SLC38A4: variants seen among roughly 807,000 people sequenced by gnomAD.
SLC38A4 encodes the protein sodium-coupled neutral amino acid transporter 4.
A neutral mutation model predicts 63.1 loss-of-function variants in SLC38A4; 20 were observed. That is an observed-to-expected ratio of 0.32 (90% CI 0.22 to 0.46). SLC38A4 has a LOEUF of 0.46. Ranked by LOEUF, SLC38A4 falls within the 20% of genes least tolerant of loss-of-function variation. SLC38A4 has a pLI of 1.00. For synonymous variants in SLC38A4, 230 were observed against 225.5 expected, an observed-to-expected ratio of 1.02 and a Z score of -0.18; for missense variants, 526 against 663.6, an observed-to-expected ratio of 0.79 and a Z score of 2.28.
intron 12 of SLC38A4, 104 bp downstream of exon 12, chr12:46,778,185 T>A (rs773412389): frequency 4.5e-6 from 5 of 1,119,744 alleles, no homozygotes; most frequent in Non-Finnish European, 6.6e-6. Flanking sequence ...GTACATATTT[T>A]CTCTGAAGAG....
chr12:46,771,439 C>T (rs1382466333), intron 14 of SLC38A4, among the ~76,000 whole-genome samples: 1 of 152,082 alleles, frequency 6.6e-6, no homozygotes, highest in Admixed American at 6.6e-5. Context: ...GAGTTAGAGG[C>T]AGTCCTATAT....
chr12:46,794,293 C>T (rs1938955458), intron 2 of SLC38A4, among the ~76,000 whole-genome samples: 1 of 152,078 alleles, frequency 6.6e-6, no homozygotes, highest in African/African-American at 2.4e-5. Context: ...CCTCAAATTA[C>T]AAAACATATA....
At chr12:46,805,674 A>C (rs1939217143) in intron 1 of SLC38A4, among the ~76,000 whole-genome samples, 1 of 152,082 alleles carries the variant, frequency 6.6e-6, no homozygotes, top group Non-Finnish European at 1.5e-5. Flanking sequence ...TGCAACATTC[A>C]GTTAGGCTCA....
In SLC38A4 at chr12:46,792,061, A is replaced by T. The variant is rs536200820; in HGVS notation, c.119+892T>A. Among the ~76,000 whole-genome samples, 24 of 152,200 alleles carry T rather than the reference A, an allele frequency of 1.6e-4. No individual in the cohort carries two copies. In the South Asian group the frequency reaches 4.6e-3, roughly 29 times the overall value. ...TCTTATGGCTATTGGAGAGGTGCAG[A>T]AGGGCTTTATCTAAGGATGGAAATT... On this transcript the variant is annotated intron_variant, in intron 3 of 16. Transcript: ENST00000266579.
chr12:46,798,487 G>A (rs943969527), intron 2 of SLC38A4, among the ~76,000 whole-genome samples: 2 of 152,162 alleles, frequency 1.3e-5, no homozygotes, highest in Non-Finnish European at 2.9e-5. Flanking sequence ...GGCCATAGCA[G>A]TGTCTTTCAT....
chr12:46,809,209 G>A (rs983135699), intron 1 of SLC38A4, among the ~76,000 whole-genome samples: 2 of 151,966 alleles, frequency 1.3e-5, no homozygotes, highest in Non-Finnish European at 2.9e-5. Flanking sequence ...CTCCTAAATG[G>A]TGATAATGCT....
At chr12:46,813,147 A>G (rs1939373209) in intron 1 of SLC38A4, among the ~76,000 whole-genome samples, 2 of 151,946 alleles carry the variant, frequency 1.3e-5, no homozygotes, top group Admixed American at 1.3e-4. Flanking sequence ...ATAAGCCTTA[A>G]GATAACCTGG....
Position 46,825,353 on chromosome 12 carries a change from G to A in SLC38A4, c.-305+550C>T, listed in dbSNP as rs1230651753. Among the ~76,000 whole-genome samples the A allele has an allele frequency of 2.7e-5, 4 of 145,542 alleles. No homozygotes were observed. In the East Asian group the frequency reaches 8.2e-4, roughly 30 times the overall value. On this transcript the variant is annotated intron_variant, in intron 1 of 16. Coordinates refer to ENST00000266579, the MANE Select transcript of SLC38A4 (RefSeq NM_018018.5). ...TATTCCTTACAGATGCCTCTGTACA[G>A]AAAGAATAATGAAATATAGCATAGT...
chr12:46,776,796 C>T lies in SLC38A4; in HGVS notation c.1174+108G>A, dbSNP rs1001352144. The stretch of plus-strand genomic sequence containing the variant: ...AGTATATTAATTGAATATGTGTCAT[C>T]TATAGAGCATGCTTATAGAAGGCAA... On this transcript the variant is annotated intron_variant, in intron 13 of 16. Coordinates refer to ENST00000266579, the MANE Select transcript of SLC38A4 (RefSeq NM_018018.5). The T allele has an allele frequency of 2.0e-5, 17 of 864,694 alleles. No individual in the cohort carries two copies. The South Asian group carries it at 2.4e-4, about 12-fold the overall frequency. The allele number at this position is 864,694 out of a possible 1,614,324, so 53.6% of individuals were successfully genotyped here. A position where few individuals can be genotyped will look rare whatever the true frequency, so the allele number is the denominator to read the frequency against.
At chr12:46,816,586 G>A (rs371351221) in intron 1 of SLC38A4, among the ~76,000 whole-genome samples, 16 of 151,704 alleles carry the variant, frequency 1.1e-4, no homozygotes, top group South Asian at 4.2e-4. Flanking sequence ...GCCTTCTTTC[G>A]GCCTCAATCA....
At chr12:46,811,032 T>C (rs1185434547) in intron 1 of SLC38A4, among the ~76,000 whole-genome samples, 1 of 152,072 alleles carries the variant, frequency 6.6e-6, no homozygotes, top group Admixed American at 6.6e-5. Flanking sequence ...AAAATATTGT[T>C]GAGAAAAATG....
At chr12:46,792,889 C>T (rs1938919528) in intron 3 of SLC38A4, 64 bp downstream of exon 3, 1 of 1,192,994 alleles carries the variant, frequency 8.4e-7, no homozygotes, top group Non-Finnish European at 1.2e-6. Context: ...CATCAAGACC[C>T]TGTTTTCCAT....
rs1592186878 is a variant in SLC38A4, at chr12:46,795,540, T to C, written c.-112-2357A>G. The stretch of plus-strand genomic sequence containing the variant: ...CAACCTCTGAGTCTTGCTCAGCTGC[T>C]AGTTTCTTGAACGGCATTCTATCTT... On this transcript the variant is annotated intron_variant, in intron 2 of 16. Coordinates refer to ENST00000266579, the MANE Select transcript of SLC38A4 (RefSeq NM_018018.5). Among the ~76,000 whole-genome samples, 4 of 152,254 alleles carry C rather than the reference T, an allele frequency of 2.6e-5. No individual in the cohort carries two copies. The East Asian group carries it at 7.7e-4, about 29-fold the overall frequency.
intron 13 of SLC38A4, among the ~76,000 whole-genome samples, chr12:46,775,862 T>C (rs914464578): frequency 1.3e-5 from 2 of 152,000 alleles, no homozygotes; most frequent in Non-Finnish European, 2.9e-5. Context: ...AAAATATCTA[T>C]GGAATCAAGC....
At chr12:46,788,755 A>G in intron 3 of SLC38A4, 137 bp from the exon 4 acceptor site, 1 of 705,232 alleles carries the variant, frequency 1.4e-6, no homozygotes. Flanking sequence ...TTCCTCCTTC[A>G]CACTAACGGT....
chr12:46,798,117 C>T (rs1382153879), intron 2 of SLC38A4, among the ~76,000 whole-genome samples: 2 of 152,148 alleles, frequency 1.3e-5, no homozygotes, highest in Non-Finnish European at 2.9e-5. Context: ...TTTGCCTCCC[C>T]TAACCACCCC....
chr12:46,815,619 C>T (rs550402539), intron 1 of SLC38A4, among the ~76,000 whole-genome samples: 2 of 151,764 alleles, frequency 1.3e-5, no homozygotes, highest in South Asian at 2.1e-4. Context: ...TCCATAAAAT[C>T]GCCTAGGCAC....
intron 13 of SLC38A4, among the ~76,000 whole-genome samples, chr12:46,775,739 A>G (rs2120760383): frequency 6.6e-6 from 1 of 152,150 alleles, no homozygotes; most frequent in South Asian, 2.1e-4. Flanking sequence ...AGTAACATGC[A>G]GGGATAAATT....
chr12:46,829,864 G>A (rs578257840), upstream of SLC38A4, among the ~76,000 whole-genome samples: 1 of 152,284 alleles, frequency 6.6e-6, no homozygotes, highest in South Asian at 2.1e-4. Context: ...AATATTTTGT[G>A]TTCTTCACAC....
Sources: gnomAD v4.1 joint callset for allele counts (sites outside exome capture counted in the v4.1 genomes callset) on GRCh38, gnomAD v4.1.1 for gene constraint, MANE v1.5 for transcripts, NCBI Gene and HGNC (gene_info 2026-07-23, HGNC 2026-07-21) for gene names.